The following GRIN2B variants were observed in gnomAD, a reference collection of about 807,000 sequenced individuals.
GRIN2B encodes the protein glutamate ionotropic receptor NMDA type subunit 2B, also known as glutamate receptor ionotropic, NMDA 2B.
In GRIN2B, 5 loss-of-function variants were observed where a neutral mutation model predicts 114.5. That is an observed-to-expected ratio of 0.04 (90% confidence interval 0.02 to 0.09). The LOEUF is 0.09. Ranked by LOEUF, GRIN2B falls within the 10% of genes least tolerant of loss-of-function variation. GRIN2B has a pLI of 1.00. For synonymous variants in GRIN2B, 787 were observed against 745.1 expected, an observed-to-expected ratio of 1.06 and a Z score of -0.92; for missense variants, 1,108 against 1,943.5, an observed-to-expected ratio of 0.57 and a Z score of 8.08.
intron 2 of GRIN2B, among the ~76,000 whole-genome samples, chr12:13,883,997 A>G (rs1042624365): frequency 6.6e-6 from 1 of 152,146 alleles, no homozygotes; most frequent in African/African-American, 2.4e-5. Flanking sequence ...AGGTTCATTT[A>G]GGGCTGTATG....
At chr12:13,928,835 A>G (rs1266552784) in intron 2 of GRIN2B, among the ~76,000 whole-genome samples, 2 of 152,250 alleles carry the variant, frequency 1.3e-5, no homozygotes, top group African/African-American at 4.8e-5. Context: ...AATAGTTAAA[A>G]AGTAGTCAGT....
intron 4 of GRIN2B, among the ~76,000 whole-genome samples, chr12:13,713,090 A>G (rs1186575492): frequency 6.6e-6 from 1 of 151,940 alleles, no homozygotes; most frequent in African/African-American, 2.4e-5. Flanking sequence ...TAGGCAGGAT[A>G]GAAGTAATTT....
chr12:13,705,017 G>A (rs1428832912), intron 4 of GRIN2B, among the ~76,000 whole-genome samples: 1 of 151,918 alleles, frequency 6.6e-6, no homozygotes, highest in Non-Finnish European at 1.5e-5. Flanking sequence ...CAATTCCCAG[G>A]TACCTTTGTG....
chr12:13,739,088 A>G (rs1449723638), intron 4 of GRIN2B, among the ~76,000 whole-genome samples: 1 of 152,102 alleles, frequency 6.6e-6, no homozygotes, highest in African/African-American at 2.4e-5. Context: ...GTATCTGAAA[A>G]AGAAAAATGT....
intron 2 of GRIN2B, among the ~76,000 whole-genome samples, chr12:13,902,308 T>A (rs1591611962): frequency 1.3e-5 from 2 of 152,334 alleles, no homozygotes; most frequent in South Asian, 2.1e-4. Context: ...TTAAATTGAA[T>A]CTTACATCGT....
At chr12:13,737,488 G>A (rs1322929680) in intron 4 of GRIN2B, among the ~76,000 whole-genome samples, 2 of 152,144 alleles carry the variant, frequency 1.3e-5, no homozygotes, top group Non-Finnish European at 2.9e-5. Flanking sequence ...TGGGATTACA[G>A]GCTTGAACCA....
intron 4 of GRIN2B, among the ~76,000 whole-genome samples, chr12:13,736,240 A>G (rs1301638004): frequency 6.6e-6 from 1 of 150,570 alleles, no homozygotes; most frequent in East Asian, 2.0e-4. Flanking sequence ...TTTCTAGGTC[A>G]CCCTTAAAGT....
chr12:13,682,429 T>C (rs1346542547), intron 4 of GRIN2B, among the ~76,000 whole-genome samples: 1 of 152,192 alleles, frequency 6.6e-6, no homozygotes, highest in African/African-American at 2.4e-5. Flanking sequence ...TTAGTTTATG[T>C]TTACTTGAGA....
chr12:13,865,773 C>T (rs1865816797), intron 3 of GRIN2B, 25 bp downstream of exon 3: 2 of 1,585,458 alleles, frequency 1.3e-6, no homozygotes, highest in Non-Finnish European at 1.7e-6. Context: ...ACCCTCAGGC[C>T]CTTCTCCCTG....
At chr12:13,734,623 T>C (rs1863148862) in intron 4 of GRIN2B, among the ~76,000 whole-genome samples, 2 of 152,226 alleles carry the variant, frequency 1.3e-5, no homozygotes, top group African/African-American at 4.8e-5. Flanking sequence ...ACATTTTCAT[T>C]CAATAGAAAA....
At chr12:13,839,009 C>A (rs1330570733) in intron 3 of GRIN2B, among the ~76,000 whole-genome samples, 2 of 152,208 alleles carry the variant, frequency 1.3e-5, no homozygotes, top group Non-Finnish European at 2.9e-5. Context: ...AGTGCCTGAA[C>A]CACTTTTTTT....
At chr12:13,580,780 A>T (rs536206414) in intron 10 of GRIN2B, among the ~76,000 whole-genome samples, 2 of 152,340 alleles carry the variant, frequency 1.3e-5, no homozygotes, top group East Asian at 3.9e-4. Flanking sequence ...CACAATCAAG[A>T]CACAAAACAA....
At chr12:13,863,326 C>T (rs1386735303) in intron 3 of GRIN2B, among the ~76,000 whole-genome samples, 1 of 152,158 alleles carries the variant, frequency 6.6e-6, no homozygotes, top group Non-Finnish European at 1.5e-5. Context: ...TGTAATAGAT[C>T]ACTTTCAGTC....
In GRIN2B at chr12:13,972,053, C is replaced by T. The variant is rs560596707; in HGVS notation, c.-19+7875G>A. ...AGTGTAACATAATGTTTAGAGCTAA[C>T]AGGTGCCTTGTCAATCATCTTGCCC... is the stretch of plus-strand genomic sequence containing the variant. On this transcript the variant is annotated intron_variant, in intron 2 of 13. Transcript: ENST00000609686. 2.0e-5 allele frequency among the ~76,000 whole-genome samples: 3 copies of T among 152,296 alleles called. No homozygotes were observed. In the East Asian group the frequency reaches 5.8e-4, roughly 29 times the overall value.
At chr12:13,836,785 G>A (rs1450919826) in intron 3 of GRIN2B, among the ~76,000 whole-genome samples, 1 of 151,262 alleles carries the variant, frequency 6.6e-6, no homozygotes, top group Non-Finnish European at 1.5e-5. Context: ...GCAGGTGAGG[G>A]CCAAGCCAGA....
At position 13,571,972 on chromosome 12, in the gene GRIN2B, G is replaced by C. The variant is rs774971411; in HGVS notation, c.2011-8C>G. On this transcript the variant is annotated splice_region_variant and splice_polypyrimidine_tract_variant and intron_variant, in intron 10 of 13. Coordinates refer to ENST00000609686, the MANE Select transcript of GRIN2B (RefSeq NM_000834.5). ...GTCATTAGGTCTCTGGAACTGGAGAGAGAAAGACAGATAGAGACAGAGCGG... is the reference window on the plus strand; with the variant it reads ...GTCATTAGGTCTCTGGAACTGGAGACAGAAAGACAGATAGAGACAGAGCGG... 3.1e-6 allele frequency: 5 copies of C among 1,610,526 alleles called. No homozygotes were observed. The Admixed American group carries it at 6.7e-5, about 22-fold the overall frequency.
intron 3 of GRIN2B, among the ~76,000 whole-genome samples, chr12:13,812,991 T>C (rs1034931993): frequency 2.7e-5 from 4 of 145,542 alleles, no homozygotes; most frequent in Admixed American, 7.1e-5. Flanking sequence ...TGGAGTGCAG[T>C]GGTCCGAGCT....
intron 2 of GRIN2B, among the ~76,000 whole-genome samples, chr12:13,966,680 C>T (rs1468484645): frequency 3.3e-5 from 5 of 152,176 alleles, no homozygotes; most frequent in Non-Finnish European, 7.3e-5. Flanking sequence ...CACTGCACCA[C>T]CCAAACTAGC....
chr12:13,974,099 C>A (rs1355445971), intron 2 of GRIN2B, among the ~76,000 whole-genome samples: 1 of 152,222 alleles, frequency 6.6e-6, no homozygotes, highest in Non-Finnish European at 1.5e-5. Context: ...CAGCTGGTGT[C>A]TGAAGGGCAT....
Sources: gnomAD v4.1 joint callset for allele counts (sites outside exome capture counted in the v4.1 genomes callset) on GRCh38, gnomAD v4.1.1 for gene constraint, MANE v1.5 for transcripts, NCBI Gene and HGNC (gene_info 2026-07-23, HGNC 2026-07-21) for gene names.